Variants in NFIA observed in about 807,000 individuals in gnomAD.
NFIA encodes nuclear factor I A, also known as nuclear factor 1 A-type.
A neutral mutation model predicts 62.8 loss-of-function variants in NFIA; 8 were observed. That is an observed-to-expected ratio of 0.13 (90% CI 0.07 to 0.23). The LOEUF (loss-of-function observed/expected upper bound fraction) is 0.23, where lower values mean the gene tolerates loss of function less well. Ranked by LOEUF, NFIA falls within the 10% of genes least tolerant of loss-of-function variation. The pLI, the probability that NFIA is intolerant of heterozygous loss-of-function variation, is 1.00. For synonymous variants in NFIA, 235 were observed against 238.1 expected, an observed-to-expected ratio of 0.99 and a Z score of 0.12; for missense variants, 410 against 642.1, an observed-to-expected ratio of 0.64 and a Z score of 3.91.
chr1:61,209,299 A>G (rs2100601099), intron 2 of NFIA, among the ~76,000 whole-genome samples: 1 of 152,192 alleles, frequency 6.6e-6, no homozygotes, highest in Admixed American at 6.5e-5. Flanking sequence ...GTGTATACAG[A>G]TTTGCTCTTC....
chr1:61,120,024 T>A (rs929135586), intron 2 of NFIA, among the ~76,000 whole-genome samples: 1 of 152,190 alleles, frequency 6.6e-6, no homozygotes, highest in Non-Finnish European at 1.5e-5. Context: ...CTGATCTATA[T>A]GGGTAACATA....
chr1:61,140,367 C>CTTTTTTT (rs1647415368), intron 2 of NFIA, among the ~76,000 whole-genome samples: 2 of 4,462 alleles, frequency 4.5e-4, no homozygotes, highest in East Asian at 8.9e-3. Context: ...TTTTGGCGGG[C>CTTTTTTT]GGGGGCGGGG....
At chr1:61,200,403 C>A (rs1003421737) in intron 2 of NFIA, among the ~76,000 whole-genome samples, 1 of 151,874 alleles carries the variant, frequency 6.6e-6, no homozygotes. Flanking sequence ...CATTTTTAGA[C>A]TTCACACAGA....
At chr1:61,147,179 C>T (rs1167987262) in intron 2 of NFIA, among the ~76,000 whole-genome samples, 1 of 150,818 alleles carries the variant, frequency 6.6e-6, no homozygotes, top group Admixed American at 6.6e-5. Flanking sequence ...GAGATGGCGT[C>T]TTGCTCTGTT....
intron 2 of NFIA, among the ~76,000 whole-genome samples, chr1:61,202,988 C>T (rs1263985636): frequency 6.6e-6 from 1 of 152,200 alleles, no homozygotes; most frequent in Non-Finnish European, 1.5e-5. Flanking sequence ...GTCATCCGTC[C>T]AATTGTTGCT....
At chr1:61,270,176 T>C (rs72664887) in intron 2 of NFIA, among the ~76,000 whole-genome samples, 5,042 of 152,296 alleles carry the variant, frequency 0.033, 104 homozygotes, top group Non-Finnish European at 0.052. Flanking sequence ...AGGGCAGAGG[T>C]AAATGTACAT....
At chr1:61,302,988 T>C (rs1343885698) in intron 3 of NFIA, among the ~76,000 whole-genome samples, 1 of 152,228 alleles carries the variant, frequency 6.6e-6, no homozygotes, top group Non-Finnish European at 1.5e-5. Flanking sequence ...ATTCTAAAAA[T>C]GCTTTTAAAA....
chr1:61,120,245 C>A (rs1368141958), intron 2 of NFIA, among the ~76,000 whole-genome samples: 1 of 152,154 alleles, frequency 6.6e-6, no homozygotes, highest in Non-Finnish European at 1.5e-5. Context: ...GTATCAACAT[C>A]CTAATAAAAT....
chr1:61,080,732 T>C (rs1646085439), upstream of NFIA, among the ~76,000 whole-genome samples: 2 of 152,168 alleles, frequency 1.3e-5, no homozygotes, highest in Non-Finnish European at 2.9e-5. Context: ...CACTCCTTAG[T>C]AAATAATCTT....
At chr1:61,380,737 A>G (rs1210743911) in intron 6 of NFIA, among the ~76,000 whole-genome samples, 1 of 152,164 alleles carries the variant, frequency 6.6e-6, no homozygotes. Context: ...CTTAGGGTTC[A>G]TATTACTTGA....
intron 2 of NFIA, among the ~76,000 whole-genome samples, chr1:61,271,785 G>A (rs917963168): frequency 5.3e-5 from 8 of 152,210 alleles, no homozygotes; most frequent in African/African-American, 1.4e-4. Flanking sequence ...TGCAGTTACC[G>A]TGTACATATA....
chr1:61,113,596 G>GAAAAA (rs376543670), intron 2 of NFIA, among the ~76,000 whole-genome samples: 3 of 106,954 alleles, frequency 2.8e-5, no homozygotes, highest in African/African-American at 7.2e-5. Context: ...CTCCATCTCA[G>GAAAAA]AAAAAAAAAA....
intron 7 of NFIA, among the ~76,000 whole-genome samples, chr1:61,401,604 A>C (rs888628264): frequency 2.0e-5 from 3 of 150,896 alleles, no homozygotes; most frequent in African/African-American, 7.5e-5. Flanking sequence ...TCATAATCTA[A>C]CAATTACCCA....
At chr1:61,235,812 CAAAAA>C (rs199585835) in intron 2 of NFIA, among the ~76,000 whole-genome samples, 2 of 106,384 alleles carry the variant, frequency 1.9e-5, no homozygotes, top group African/African-American at 7.0e-5. Context: ...GATCCTGTCT[CAAAAA>C]AAAAAAAAAG....
chr1:61,379,409 T>C (rs1006187389), intron 6 of NFIA, among the ~76,000 whole-genome samples: 5 of 140,328 alleles, frequency 3.6e-5, no homozygotes, highest in Admixed American at 1.4e-4. Context: ...TTTCTTTTTT[T>C]TTTTTTTTTT....
chr1:61,117,784 G>A (rs1344902530), intron 2 of NFIA, among the ~76,000 whole-genome samples: 2 of 152,182 alleles, frequency 1.3e-5, no homozygotes, highest in East Asian at 3.8e-4. Context: ...TGAGCTTAGT[G>A]ATGAAAGCAT....
intron 3 of NFIA, among the ~76,000 whole-genome samples, chr1:61,299,061 T>C (rs1659350598): frequency 6.6e-6 from 1 of 152,182 alleles, no homozygotes; most frequent in African/African-American, 2.4e-5. Flanking sequence ...ATACTAGAGC[T>C]CTTTTCCATT....
chr1:61,194,813 A>G (rs1269166318), intron 2 of NFIA, among the ~76,000 whole-genome samples: 2 of 152,124 alleles, frequency 1.3e-5, no homozygotes, highest in African/African-American at 4.8e-5. Context: ...CTGGCCTTCC[A>G]TTGACAGGTT....
At chr1:61,438,435 G>A (rs1343903808) in intron 10 of NFIA, among the ~76,000 whole-genome samples, 1 of 152,154 alleles carries the variant, frequency 6.6e-6, no homozygotes, top group East Asian at 1.9e-4. Context: ...AGAAGAAACA[G>A]AAATGGTAAT....
Sources: gnomAD v4.1 joint callset for allele counts (sites outside exome capture counted in the v4.1 genomes callset) on GRCh38, gnomAD v4.1.1 for gene constraint, MANE v1.5 for transcripts, NCBI Gene and HGNC (gene_info 2026-07-23, HGNC 2026-07-21) for gene names.